The following CCDC97 variants were observed in gnomAD, a reference collection of about 807,000 sequenced individuals.
The protein encoded by CCDC97 is coiled-coil domain containing 97.
A neutral mutation model predicts 33.9 loss-of-function variants in CCDC97; 27 were observed. The observed-to-expected ratio is 0.80, with a 90% CI of 0.59 to 1.10. The LOEUF (loss-of-function observed/expected upper bound fraction) is 1.10, where lower values mean the gene tolerates loss of function less well. Ranked by LOEUF, CCDC97 falls within the 50% of genes least tolerant of loss-of-function variation. The probability of loss-of-function intolerance (pLI) is 0.00; values close to 1 mark genes in which losing one functional copy is unlikely to be tolerated. For missense variants in CCDC97, 422 were observed against 476.6 expected (o/e 0.89, Z 1.07); for synonymous variants, 217 against 194.0 (o/e 1.12, Z -0.99).
At chr19:41,320,851 C>T (rs909530208) in intron 4 of CCDC97, 2 of 211,276 alleles carry the variant, frequency 9.5e-6, no homozygotes, top group African/African-American at 4.6e-5. Flanking sequence ...GAAGTAACCC[C>T]TGGCAAAGTT....
chr19:41,320,990 C>T (rs1435183144), intron 4 of CCDC97, among the ~76,000 whole-genome samples: 1 of 152,214 alleles, frequency 6.6e-6, no homozygotes, highest in East Asian at 1.9e-4. Flanking sequence ...AGTGATGTGT[C>T]AGTCAAAGAT....
In CCDC97 at chr19:41,322,815, C is replaced by T. The variant is rs2123066517; in HGVS notation, c.*100C>T. The T allele has an allele frequency of 2.2e-6, 3 of 1,360,044 alleles. No homozygotes were observed. In the East Asian group the frequency reaches 7.2e-5, roughly 32 times the overall value. 84.2% of individuals were successfully genotyped at this position (1,360,044 alleles called of 1,614,324 possible). Reference sequence around the variant, plus strand: ...CCCTTTCTCTAGGGGGACATCAGGGCAGTGCCCCACAACCCACACACACCA... The same window carrying T: ...CCCTTTCTCTAGGGGGACATCAGGGTAGTGCCCCACAACCCACACACACCA... On this transcript the variant is annotated 3_prime_UTR_variant, in exon 5 of 5. Transcript: ENST00000269967.
In CCDC97 at chr19:41,322,716, T is replaced by C; in HGVS notation, c.*1T>C. 6.2e-7 allele frequency: 1 copy of C among 1,612,890 alleles called. No individual in the cohort carries two copies. Among genetic ancestry groups the C allele is most frequent in the Non-Finnish European group, 8.5e-7 (1 of 1,179,310 alleles). On this transcript the variant is annotated 3_prime_UTR_variant, in exon 5 of 5. Coordinates refer to ENST00000269967, the MANE Select transcript of CCDC97 (RefSeq NM_052848.3). Reference sequence around the variant, plus strand: ...CAGCCCAGAGCTGGATGGGGACTGATGGCCGCCACCCTTCCCACCGCCTGC... The same window carrying C: ...CAGCCCAGAGCTGGATGGGGACTGACGGCCGCCACCCTTCCCACCGCCTGC...
chr19:41,323,766 AGC>A lies in CCDC97; in HGVS notation c.*1052_*1053del, dbSNP rs1206166639. 1.9e-5 allele frequency: 3 copies of A among 154,026 alleles called. No homozygotes were observed. In the Admixed American group the frequency reaches 2.0e-4, roughly 10 times the overall value. The allele number at this position is 154,026 out of a possible 1,614,324, so 9.5% of individuals were successfully genotyped here. ...AGCCTGCCCCAGCGTCCCTGCCCCC[AGC>A]TGGCCGCAGGGCCCGCCCCATGGAG... On this transcript the variant is annotated 3_prime_UTR_variant, in exon 5 of 5. Transcript: ENST00000269967.
rs1290170064 is a variant in CCDC97 at position 41,324,624 on chromosome 19, C to A, written c.*1909C>A. 2 of 152,222 alleles carry A rather than the reference C, an allele frequency of 1.3e-5. No homozygotes were observed. Among genetic ancestry groups the A allele is most frequent in the African/African-American group, 4.8e-5 (2 of 41,440 alleles). 9.4% of individuals were successfully genotyped at this position (152,222 alleles called of 1,614,324 possible). A position where few individuals can be genotyped will look rare whatever the true frequency, so the allele number is the denominator to read the frequency against. ...CTGAATTGTCCCAGCAGTGCTATGC[C>A]CTAGGTACTACCAATATCACTCCTC... On this transcript the variant is annotated 3_prime_UTR_variant, in exon 5 of 5. Transcript: ENST00000269967.
rs77094337 is a variant in CCDC97 at position 41,318,962 on chromosome 19, A to G, written c.503-612A>G. ...ACTAGGGCCCCACAAACAGGCACACAACCTAGAGACACACAACTTCTGCTG... is the reference window on the plus strand; with the variant it reads ...ACTAGGGCCCCACAAACAGGCACACGACCTAGAGACACACAACTTCTGCTG... On this transcript the variant is annotated intron_variant, in intron 2 of 4. Coordinates refer to ENST00000269967, the MANE Select transcript of CCDC97 (RefSeq NM_052848.3). Among the ~76,000 whole-genome samples the G allele has an allele frequency of 9.5e-3, 1,440 of 152,308 alleles. 10 individuals are homozygous for G. The highest frequency in any genetic ancestry group is 0.021 in the Admixed American group (316 of 15,314).
chr19:41,320,379 G>A lies in CCDC97; in HGVS notation c.820G>A (p.Asp274Asn), dbSNP rs760667676. The change falls in exon 4 of 5, where the codon GAC becomes AAC. Residue 274 changes from aspartate to asparagine, a missense_variant. Coordinates refer to ENST00000269967, the MANE Select transcript of CCDC97 (RefSeq NM_052848.3). ...CAAGGACTCGGAGGCCTGGGTTCCC[G>A]ACTCGGAGGAGAGGCTGATCCTGCG... Reference protein sequence around the residue: ...SGKDSEAWVPDSEERLILREE... With the variant: ...SGKDSEAWVPNSEERLILREE... 15 of 1,613,960 alleles carry A rather than the reference G, an allele frequency of 9.3e-6. No individual in the cohort carries two copies. In the African/African-American group the frequency reaches 9.3e-5, roughly 10 times the overall value.
In CCDC97 at chr19:41,324,488, G is replaced by GT. The variant is rs1423206108; in HGVS notation, c.*1776dup. ...CATGCAGATGTCCTCAGACGGGAAG[G>GT]TTTGAGAAGGGTCAGATGGTAGGCG... On this transcript the variant is annotated 3_prime_UTR_variant, in exon 5 of 5. Coordinates refer to ENST00000269967, the MANE Select transcript of CCDC97 (RefSeq NM_052848.3). 7.9e-5 allele frequency: 12 copies of GT among 152,272 alleles called. No individual in the cohort carries two copies. The highest frequency in any genetic ancestry group is 2.9e-4 in the African/African-American group (12 of 41,450). 9.4% of individuals were successfully genotyped at this position (152,272 alleles called of 1,614,324 possible).
chr19:41,316,821 C>T lies in CCDC97; in HGVS notation c.484C>T (p.Leu162=), dbSNP rs773371343. ...CCTGCGTAACCGGCGCTATGCTGCCCTGCGAGAGCTGATCCAAGGTGTGGG... is the reference window on the plus strand; with the variant it reads ...CCTGCGTAACCGGCGCTATGCTGCCTTGCGAGAGCTGATCCAAGGTGTGGG... ...TRLRNRRYAA[L]RELIQGGEYF... is the part of the protein sequence containing the mutation. Residue 162 remains leucine (L), a synonymous_variant, in exon 2 of 5, where the codon CTG becomes TTG. Transcript: ENST00000269967. 3.0e-5 allele frequency: 48 copies of T among 1,587,294 alleles called. No homozygotes were observed. In the South Asian group the frequency reaches 3.6e-4, roughly 12 times the overall value.
intron 1 of CCDC97, 49 bp from the exon 2 acceptor site, chr19:41,316,335 C>G: frequency 1.4e-6 from 2 of 1,457,264 alleles, no homozygotes; most frequent in Non-Finnish European, 1.9e-6. Flanking sequence ...AGCCCCCAGT[C>G]CCTTCCCACA....
In CCDC97 at chr19:41,319,603, C is replaced by T. The variant is rs1023352964; in HGVS notation, c.532C>T (p.Arg178Trp). The T allele has an allele frequency of 1.4e-5, 23 of 1,609,770 alleles. No individual in the cohort carries two copies. The highest frequency in any genetic ancestry group is 4.4e-5 in the South Asian group (4 of 90,488). Reference protein sequence around the residue: ...GGEYFSDEQMRFRAPLLYEQY... With the variant: ...GGEYFSDEQMWFRAPLLYEQY... Reference sequence around the variant, plus strand: ...CGAGTACTTCAGTGATGAGCAGATGCGGTTCCGGGCCCCCCTGCTATATGA... The same window carrying T: ...CGAGTACTTCAGTGATGAGCAGATGTGGTTCCGGGCCCCCCTGCTATATGA... The change falls in exon 3 of 5, where the codon CGG becomes TGG. Residue 178 changes from arginine to tryptophan, a missense_variant. Arg to Trp is a moderately radical substitution (Grantham distance 101). Coordinates refer to ENST00000269967, the MANE Select transcript of CCDC97 (RefSeq NM_052848.3).
chr19:41,316,592 C>G lies in CCDC97; in HGVS notation c.255C>G (p.Pro85=), dbSNP rs780984453. The G allele has an allele frequency of 1.2e-6, 2 of 1,614,114 alleles. No homozygotes were observed. Among genetic ancestry groups the G allele is most frequent in the African/African-American group, 2.7e-5 (2 of 74,946 alleles). Residue 85 remains proline (P), a synonymous_variant, in exon 2 of 5, where the codon CCC becomes CCG. Coordinates refer to ENST00000269967, the MANE Select transcript of CCDC97 (RefSeq NM_052848.3). ...TTTGCAGCCAGCAGCAGGGTGAACC[C>G]GACTTGACAGAGCATGAGAAAGTGG... ...LPVCSQQQGE[P]DLTEHEKVAI...
chr19:41,316,776 C>A lies in CCDC97; in HGVS notation c.439C>A (p.Pro147Thr). 1 of 1,609,350 alleles carries A rather than the reference C, an allele frequency of 6.2e-7. No individual in the cohort carries two copies. Among genetic ancestry groups the A allele is most frequent in the Non-Finnish European group, 8.5e-7 (1 of 1,176,538 alleles). Reference protein sequence around the residue: ...AEVARQGTARPRTLRTRLRNR... With the variant: ...AEVARQGTARTRTLRTRLRNR... ...GGTGGCCCGGCAGGGCACTGCCCGG[C>A]CCCGCACCCTGCGTACCCGCCTGCG... Residue 147 changes from proline (P) to threonine (T), a missense_variant, in exon 2 of 5, where the codon CCC (proline) becomes ACC (threonine). Coordinates refer to ENST00000269967, the MANE Select transcript of CCDC97 (RefSeq NM_052848.3).
intron 1 of CCDC97, among the ~76,000 whole-genome samples, chr19:41,313,886 G>C (rs766284870): frequency 6.6e-5 from 10 of 152,148 alleles, no homozygotes; most frequent in Non-Finnish European, 1.3e-4. Flanking sequence ...TTTTAATAGA[G>C]AGAGGGTTTC....
In CCDC97 at chr19:41,310,208, C is replaced by A; in HGVS notation, c.-103C>A. Reference sequence around the variant, plus strand: ...TTCGGTGCCTGGGCGCAGCGGTGCACCCGGACCCGGAACATTCTCAGGCGA... The same window carrying A: ...TTCGGTGCCTGGGCGCAGCGGTGCAACCGGACCCGGAACATTCTCAGGCGA... On this transcript the variant is annotated 5_prime_UTR_variant, in exon 1 of 5. Coordinates refer to ENST00000269967, the MANE Select transcript of CCDC97 (RefSeq NM_052848.3). 6.7e-7 allele frequency: 1 copy of A among 1,501,304 alleles called. No individual in the cohort carries two copies. The highest frequency in any genetic ancestry group is 1.2e-5 in the South Asian group (1 of 82,708). 93.0% of individuals were successfully genotyped at this position (1,501,304 alleles called of 1,614,324 possible). A position where few individuals can be genotyped will look rare whatever the true frequency, so the allele number is the denominator to read the frequency against.
At chr19:41,316,331 C>G (rs1408185155) in intron 1 of CCDC97, 53 bp from the exon 2 acceptor site, 6 of 1,417,476 alleles carry the variant, frequency 4.2e-6, no homozygotes, top group Non-Finnish European at 5.9e-6. Context: ...ACTAAGCCCC[C>G]AGTCCCTTCC....
chr19:41,310,182 C>A lies in CCDC97; in HGVS notation c.-129C>A. 1 of 1,347,036 alleles carries A rather than the reference C, an allele frequency of 7.4e-7. No homozygotes were observed. The highest frequency in any genetic ancestry group is 1.0e-6 in the Non-Finnish European group (1 of 972,918). 83.4% of individuals were successfully genotyped at this position (1,347,036 alleles called of 1,614,324 possible). On this transcript the variant is annotated 5_prime_UTR_variant, in exon 1 of 5. Transcript: ENST00000269967. ...TGCAACGTCTGCCTTAGGCCCGGAA[C>A]TTCGGTGCCTGGGCGCAGCGGTGCA...
At chr19:41,310,992 G>A (rs374898893) in intron 1 of CCDC97, 6 of 381,914 alleles carry the variant, frequency 1.6e-5, no homozygotes, top group Non-Finnish European at 2.2e-5. Context: ...GTGGAAGCCA[G>A]ATGGAGATGA....
In CCDC97 at chr19:41,316,833, A is replaced by C; in HGVS notation, c.496A>C (p.Ile166Leu). Residue 166 changes from isoleucine (I) to leucine (L), a missense_variant, in exon 2 of 5, where the codon ATC (isoleucine) becomes CTC (leucine). Physicochemically the swap from Ile to Leu is conservative, Grantham distance 5 (BLOSUM62 2). Transcript: ENST00000269967. ...NRRYAALREL[I>L]QGGEYFSDEQ... ...GCGCTATGCTGCCCTGCGAGAGCTG[A>C]TCCAAGGTGTGGGGGCCAGATGGGC... 1 of 1,582,694 alleles carries C rather than the reference A, an allele frequency of 6.3e-7. No individual in the cohort carries two copies. The highest frequency in any genetic ancestry group is 8.6e-7 in the Non-Finnish European group (1 of 1,157,052).
Sources: allele counts gnomAD v4.1 joint callset (sites outside exome capture counted in the v4.1 genomes callset), GRCh38; gene constraint gnomAD v4.1.1; transcripts MANE v1.5; gene names NCBI Gene and HGNC (gene_info 2026-07-23, HGNC 2026-07-21).